The following MRTFB variants were observed in gnomAD, a reference collection of about 807,000 sequenced individuals.
The protein encoded by MRTFB is myocardin related transcription factor B, also known as myocardin-related transcription factor B.
A neutral mutation model predicts 104.2 loss-of-function variants in MRTFB; 29 were observed. The observed-to-expected ratio is 0.28, with a 90% CI of 0.21 to 0.38. The LOEUF is 0.38. Ranked by LOEUF, MRTFB falls within the 10% of genes least tolerant of loss-of-function variation. The pLI, the probability that MRTFB is intolerant of heterozygous loss-of-function variation, is 1.00. For missense variants in MRTFB, 1,270 were observed against 1,341.6 expected (o/e 0.95, Z 0.83); for synonymous variants, 535 against 519.5 (o/e 1.03, Z -0.41).
intron 3 of MRTFB, among the ~76,000 whole-genome samples, chr16:14,154,489 T>C (rs1266585110): frequency 6.6e-6 from 1 of 152,252 alleles, no homozygotes; most frequent in Admixed American, 6.5e-5. Flanking sequence ...TTAATTGCAA[T>C]ATTTAGATCA....
chr16:14,198,848 C>T (rs1420431886), intron 3 of MRTFB, among the ~76,000 whole-genome samples: 1 of 152,230 alleles, frequency 6.6e-6, no homozygotes, highest in Non-Finnish European at 1.5e-5. Context: ...TGTCTTTGTA[C>T]ATCTGTCCCC....
chr16:14,225,490 G>A (rs571862042), intron 8 of MRTFB, among the ~76,000 whole-genome samples: 1 of 152,236 alleles, frequency 6.6e-6, no homozygotes, highest in African/African-American at 2.4e-5. Flanking sequence ...CAAAAAATCC[G>A]TAGAATCTGT....
At chr16:14,014,398 T>A in the MRTFB span, among the ~76,000 whole-genome samples, 5 of 150,832 alleles carry the variant, frequency 3.3e-5, no homozygotes, top group African/African-American at 1.2e-4. Context: ...TAAAAAAAAA[T>A]AGTAATAGTT....
chr16:14,141,841 GTTT>G (rs548995205), intron 3 of MRTFB: 6 of 138,624 alleles, frequency 4.3e-5, no homozygotes, highest in East Asian at 2.1e-4. Flanking sequence ...TTTGATAGGT[GTTT>G]TTTTTTTTTT....
intron 3 of MRTFB, among the ~76,000 whole-genome samples, chr16:14,176,095 T>C (rs2039573942): frequency 6.6e-6 from 1 of 152,230 alleles, no homozygotes. Context: ...CTTTAAATTA[T>C]ATCTCAGCAA....
the MRTFB span, among the ~76,000 whole-genome samples, chr16:14,042,243 A>T: frequency 6.6e-6 from 1 of 152,066 alleles, no homozygotes; most frequent in East Asian, 1.9e-4. Flanking sequence ...CTCCTGCCTC[A>T]GCCTCCCAAG....
intron 3 of MRTFB, among the ~76,000 whole-genome samples, chr16:14,174,685 A>AC (rs926883157): frequency 3.4e-4 from 51 of 151,678 alleles, no homozygotes; most frequent in Non-Finnish European, 1.6e-4. Flanking sequence ...TTTGCTCCCC[A>AC]CCCCCCAGAA....
rs2041588647 is a variant in MRTFB at position 14,219,481 on chromosome 16, GTTATT to G, written c.693+487_693+491del. 5.9e-5 allele frequency among the ~76,000 whole-genome samples: 9 copies of G among 152,244 alleles called. 1 individual carries two copies. In the South Asian group the frequency reaches 1.9e-3, roughly 32 times the overall value. On this transcript the variant is annotated intron_variant, in intron 8 of 16. Transcript: ENST00000571589. ...TTTGCCTTACTGAAATTTTAATAGT[GTTATT>G]TTAAAGTCAAAACTATTGAACTACT...
chr16:14,036,290 A>T, the MRTFB span, among the ~76,000 whole-genome samples: 1 of 54,126 alleles, frequency 1.8e-5, no homozygotes, highest in African/African-American at 5.1e-5. Context: ...TGTATTTTAT[A>T]TATATTTATA....
intron 10 of MRTFB, chr16:14,240,819 C>T: frequency 1.4e-6 from 1 of 703,320 alleles, no homozygotes; most frequent in Non-Finnish European, 2.6e-6. Context: ...CTGGCATAAA[C>T]AGCTAAAAGA....
At chr16:14,106,841 C>A (rs2036006107) in intron 2 of MRTFB, among the ~76,000 whole-genome samples, 1 of 152,254 alleles carries the variant, frequency 6.6e-6, no homozygotes, top group South Asian at 2.1e-4. Flanking sequence ...TATCCCTAGG[C>A]AGCTTCCAAC....
intron 10 of MRTFB, 127 bp downstream of exon 10, chr16:14,240,611 T>A: frequency 6.8e-7 from 1 of 1,466,400 alleles, no homozygotes; most frequent in Non-Finnish European, 9.5e-7. Context: ...TTCTTTGTTA[T>A]CAGAGCTTAT....
intron 2 of MRTFB, among the ~76,000 whole-genome samples, chr16:14,097,817 A>C (rs986382747): frequency 2.0e-5 from 3 of 152,200 alleles, no homozygotes; most frequent in African/African-American, 7.2e-5. Flanking sequence ...GGTTTTGTAT[A>C]AGTGGAATCA....
At chr16:13,995,910 G>T in the MRTFB span, among the ~76,000 whole-genome samples, 1 of 152,042 alleles carries the variant, frequency 6.6e-6, no homozygotes, top group African/African-American at 2.4e-5. Flanking sequence ...ATTTGGGTGG[G>T]GACACACAGC....
Position 14,265,289 on chromosome 16 carries a change from A to G in MRTFB, c.*3845A>G, listed in dbSNP as rs1321006732. On this transcript the variant is annotated 3_prime_UTR_variant, in exon 17 of 17. Coordinates refer to ENST00000571589, the MANE Select transcript of MRTFB (RefSeq NM_001308142.2). The stretch of plus-strand genomic sequence containing the variant: ...TCAATATCTGCTACTGTAAACATGA[A>G]TATTGAATACTGACAAGAGAATACC... The G allele has an allele frequency of 6.6e-6, 1 of 152,246 alleles. No individual in the cohort carries two copies. Among genetic ancestry groups the G allele is most frequent in the African/African-American group, 2.4e-5 (1 of 41,466 alleles). 9.4% of individuals were successfully genotyped at this position (152,246 alleles called of 1,614,324 possible).
At position 14,210,168 on chromosome 16, in the gene MRTFB, A is replaced by G. The variant is rs550813526; in HGVS notation, c.155-75A>G. The G allele has an allele frequency of 5.5e-6, 6 of 1,097,820 alleles. No individual in the cohort carries two copies. In the African/African-American group the frequency reaches 6.2e-5, roughly 11 times the overall value. 68.0% of individuals were successfully genotyped at this position (1,097,820 alleles called of 1,614,324 possible). On this transcript the variant is annotated intron_variant, in intron 3 of 16. Coordinates refer to ENST00000571589, the MANE Select transcript of MRTFB (RefSeq NM_001308142.2). ...AAGATGCTTGATAAAGCTTAATTGC[A>G]TCTCCTCTGGAATCACATAAATCGG...
chr16:14,240,733 T>C, intron 10 of MRTFB: 1 of 786,218 alleles, frequency 1.3e-6, no homozygotes, highest in Non-Finnish European at 2.3e-6. Context: ...TTCACAATTA[T>C]TCATCCAGAT....
At chr16:14,160,313 G>C (rs951263600) in intron 3 of MRTFB, among the ~76,000 whole-genome samples, 52 of 152,084 alleles carry the variant, frequency 3.4e-4, no homozygotes, top group African/African-American at 1.2e-3. Flanking sequence ...GAATTTGTCA[G>C]ATCAGTCCTA....
At chr16:14,206,066 T>G (rs1187205481) in intron 3 of MRTFB, among the ~76,000 whole-genome samples, 1 of 147,842 alleles carries the variant, frequency 6.8e-6, no homozygotes, top group East Asian at 2.0e-4. Flanking sequence ...TTTTTTCCCC[T>G]CCATGCAGAT....
Sources: allele counts gnomAD v4.1 joint callset (sites outside exome capture counted in the v4.1 genomes callset), GRCh38; gene constraint gnomAD v4.1.1; transcripts MANE v1.5; gene names NCBI Gene and HGNC (gene_info 2026-07-23, HGNC 2026-07-21).